Variants in VAC14 observed in about 807,000 individuals in gnomAD.
VAC14 encodes VAC14 component of PIKFYVE complex.
Under a neutral mutation model 85.3 loss-of-function variants are expected in VAC14, and 47 were observed. The ratio of observed to expected loss-of-function variants is 0.55; its 90% CI spans 0.44 to 0.70. The LOEUF (loss-of-function observed/expected upper bound fraction) is 0.70. Ranked by LOEUF, VAC14 falls within the 30% of genes least tolerant of loss-of-function variation. The pLI, the probability that VAC14 is intolerant of heterozygous loss-of-function variation, is 0.00. For missense variants in VAC14, 861 were observed against 1,004.3 expected (o/e 0.86, Z 1.93); for synonymous variants, 447 against 430.5 (o/e 1.04, Z -0.47).
At chr16:70,734,427 C>A (rs2054687112) in intron 13 of VAC14, among the ~76,000 whole-genome samples, 2 of 152,192 alleles carry the variant, frequency 1.3e-5, no homozygotes, top group Admixed American at 6.5e-5. Context: ...GCCACTGTGC[C>A]CAGCCTCTTT....
At chr16:70,689,638 T>C (rs933824924) in intron 18 of VAC14, 15 of 985,576 alleles carry the variant, frequency 1.5e-5, no homozygotes, top group Non-Finnish European at 1.8e-5. Context: ...AGAAAACATC[T>C]TGGACATGTC....
At chr16:70,708,121 G>C (rs936368536) in intron 14 of VAC14, among the ~76,000 whole-genome samples, 7 of 152,120 alleles carry the variant, frequency 4.6e-5, no homozygotes, top group Admixed American at 2.6e-4. Context: ...TTTTCAGTCT[G>C]ACCACCCCGT....
At chr16:70,794,958 C>T (rs1323036019) in intron 1 of VAC14, among the ~76,000 whole-genome samples, 2 of 152,214 alleles carry the variant, frequency 1.3e-5, no homozygotes, top group African/African-American at 2.4e-5. Flanking sequence ...TTTTACTATA[C>T]TATTTCTATG....
intron 9 of VAC14, among the ~76,000 whole-genome samples, chr16:70,777,778 G>A (rs34268521): frequency 0.08 from 12,215 of 152,240 alleles, 525 homozygotes; most frequent in Middle Eastern, 0.14. Context: ...TGGTGCTGTC[G>A]GCGGATCAGC....
chr16:70,739,167 GGAA>G (rs1275822258), intron 13 of VAC14, among the ~76,000 whole-genome samples: 2 of 152,224 alleles, frequency 1.3e-5, no homozygotes, highest in Non-Finnish European at 2.9e-5. Flanking sequence ...TTATAGAGAG[GGAA>G]GAAGTAGCAG....
chr16:70,765,343 C>T (rs1270234818), intron 10 of VAC14, among the ~76,000 whole-genome samples: 1 of 152,268 alleles, frequency 6.6e-6, no homozygotes, highest in East Asian at 1.9e-4. Flanking sequence ...GTGCCGTGAC[C>T]AGGTCCCCTA....
Position 70,722,671 on chromosome 16 carries a change from CA to C in VAC14, c.1661+8823del, listed in dbSNP as rs375926967. Reference sequence around the variant, plus strand: ...ACTCGGTGTTTAAATACGCTGAAGACAAAGGGCACCCACATTTGTCTGTCCT... The same window carrying C: ...ACTCGGTGTTTAAATACGCTGAAGACAAGGGCACCCACATTTGTCTGTCCT... On this transcript the variant is annotated intron_variant, in intron 14 of 18. Transcript: ENST00000261776. Among the ~76,000 whole-genome samples the C allele has an allele frequency of 6.0e-3, 916 of 152,300 alleles. 7 individuals carry two copies. The highest frequency in any genetic ancestry group is 0.027 in the Middle Eastern group (8 of 294).
chr16:70,790,027 T>C (rs1208177773), intron 1 of VAC14, among the ~76,000 whole-genome samples: 1 of 152,206 alleles, frequency 6.6e-6, no homozygotes, highest in Admixed American at 6.5e-5. Flanking sequence ...AGACTCCTCC[T>C]GTGCGATGAC....
chr16:70,706,305 T>C (rs1164197861), intron 14 of VAC14, among the ~76,000 whole-genome samples: 1 of 152,186 alleles, frequency 6.6e-6, no homozygotes, highest in East Asian at 1.9e-4. Flanking sequence ...CTGAGGACAG[T>C]GTGGGCTGGG....
chr16:70,779,786 A>G (rs1452405755), intron 9 of VAC14, among the ~76,000 whole-genome samples: 3 of 152,138 alleles, frequency 2.0e-5, no homozygotes, highest in Non-Finnish European at 4.4e-5. Flanking sequence ...AGGGTTCTAG[A>G]TTACATCTGG....
At chr16:70,753,956 A>G (rs1019907291) in intron 12 of VAC14, among the ~76,000 whole-genome samples, 1 of 152,112 alleles carries the variant, frequency 6.6e-6, no homozygotes, top group Non-Finnish European at 1.5e-5. Context: ...TGCCGCTGGG[A>G]GAGCCGCCTC....
chr16:70,780,922 T>C lies in VAC14; in HGVS notation c.964A>G (p.Asn322Asp). Residue 322 changes from asparagine to aspartate, a missense_variant, in exon 9 of 19, where the codon AAC becomes GAC. Around this residue, in one of 3 missense-constraint regions of VAC14, gnomAD observed 629 missense variants for 703.1 expected, o/e 0.89. Coordinates refer to ENST00000261776, the MANE Select transcript of VAC14 (RefSeq NM_018052.5). ...TTCATCAGGCTCTGGTTGCACACGT[T>C]GGCCACTTCTTTGATGCCTGAGTCC... ...DRKKSIKEVA[N>D]VCNQSLMKLV... The C allele has an allele frequency of 1.9e-6, 3 of 1,614,140 alleles. No homozygotes were observed. The highest frequency in any genetic ancestry group is 1.1e-5 in the South Asian group (1 of 91,068).
At chr16:70,734,241 C>T (rs1196670132) in intron 13 of VAC14, among the ~76,000 whole-genome samples, 2 of 152,238 alleles carry the variant, frequency 1.3e-5, no homozygotes, top group Middle Eastern at 3.4e-3. Flanking sequence ...TGGGCTCGAG[C>T]AATCCTCCCG....
chr16:70,784,741 T>C (rs1281776920), intron 4 of VAC14, 35 bp downstream of exon 4: 3 of 1,586,362 alleles, frequency 1.9e-6, no homozygotes, highest in South Asian at 1.1e-5. Context: ...GAGAAACAGA[T>C]TGTAGAAATA....
intron 14 of VAC14, among the ~76,000 whole-genome samples, chr16:70,719,799 G>GGACA (rs548502663): frequency 5.1e-4 from 78 of 152,250 alleles, no homozygotes; most frequent in African/African-American, 1.8e-3. Flanking sequence ...CAAGCACTTT[G>GGACA]GACAGTACCT....
chr16:70,742,432 T>C (rs2030422130), intron 13 of VAC14, among the ~76,000 whole-genome samples: 1 of 150,816 alleles, frequency 6.6e-6, no homozygotes, highest in African/African-American at 2.4e-5. Flanking sequence ...TCCTGCCATC[T>C]GTCCCAAGGA....
At chr16:70,743,095 C>T (rs148198281) in intron 13 of VAC14, among the ~76,000 whole-genome samples, 2,201 of 148,864 alleles carry the variant, frequency 0.015, 16 homozygotes, top group South Asian at 0.035. Flanking sequence ...TCTGTAAAAA[C>T]GCACCAATCA....
At chr16:70,732,938 CA>C (rs1163399890) in intron 13 of VAC14, among the ~76,000 whole-genome samples, 8 of 152,242 alleles carry the variant, frequency 5.3e-5, no homozygotes, top group African/African-American at 1.9e-4. Flanking sequence ...TGTGAGCCAC[CA>C]CACCCGGCCC....
intron 14 of VAC14, among the ~76,000 whole-genome samples, chr16:70,709,405 G>A (rs1003135635): frequency 6.6e-6 from 1 of 152,132 alleles, no homozygotes; most frequent in Non-Finnish European, 1.5e-5. Context: ...ACTGGAGCGA[G>A]TTTCTCCAGA....
Sources: allele counts gnomAD v4.1 joint callset (sites outside exome capture counted in the v4.1 genomes callset), GRCh38; gene constraint gnomAD v4.1.1; regional missense constraint gnomAD v4.1.1; transcripts MANE v1.5; gene names NCBI Gene and HGNC (gene_info 2026-07-23, HGNC 2026-07-21).